The following AK9 variants were observed in gnomAD, a reference collection of about 807,000 sequenced individuals.
AK9 encodes adenylate kinase domain containing 1.
In AK9, 191 loss-of-function variants were observed where a neutral mutation model predicts 239.6. That is an observed-to-expected ratio of 0.80 (90% confidence interval 0.71 to 0.90). The LOEUF is 0.90. AK9 is among the 40% of genes least tolerant of loss of function. The pLI is 0.00. For missense variants in AK9, 1,995 were observed against 2,214.7 expected (o/e 0.90, Z 1.99); for synonymous variants, 689 against 721.0 (o/e 0.96, Z 0.71).
At chr6:109,584,826 T>A (rs1483683081) in intron 19 of AK9, among the ~76,000 whole-genome samples, 1 of 152,158 alleles carries the variant, frequency 6.6e-6, no homozygotes, top group Non-Finnish European at 1.5e-5. Context: ...AAGTCACAGA[T>A]AAATATAACA....
intron 12 of AK9, among the ~76,000 whole-genome samples, chr6:109,621,276 A>G (rs868611436): frequency 3.0e-4 from 23 of 75,542 alleles, no homozygotes; most frequent in African/African-American, 1.1e-3. Flanking sequence ...AAATAGGAAC[A>G]CTTTTACACT....
intron 1 of AK9, among the ~76,000 whole-genome samples, chr6:109,684,199 A>G (rs1406670354): frequency 1.3e-5 from 2 of 152,148 alleles, no homozygotes; most frequent in Non-Finnish European, 2.9e-5. Flanking sequence ...AGTCAAATGG[A>G]GAAAACTGAA....
At chr6:109,521,109 T>C (rs542322716) in intron 29 of AK9, among the ~76,000 whole-genome samples, 1 of 152,222 alleles carries the variant, frequency 6.6e-6, no homozygotes, top group African/African-American at 2.4e-5. Flanking sequence ...GATTGTTCTT[T>C]GCATCTTAAT....
intron 21 of AK9, among the ~76,000 whole-genome samples, chr6:109,571,826 C>T (rs1243750765): frequency 2.0e-5 from 3 of 152,124 alleles, no homozygotes; most frequent in Admixed American, 2.0e-4. Context: ...CTCAGGTATG[C>T]TACTGTGCTT....
At chr6:109,536,750 T>C (rs577813660) in intron 27 of AK9, among the ~76,000 whole-genome samples, 5 of 152,328 alleles carry the variant, frequency 3.3e-5, no homozygotes, top group African/African-American at 2.4e-5. Context: ...TTGTCACAAA[T>C]AGCTCTTATT....
intron 17 of AK9, 116 bp from the exon 18 acceptor site, chr6:109,586,188 G>C (rs988231208): frequency 2.3e-6 from 2 of 875,962 alleles, no homozygotes; most frequent in African/African-American, 3.5e-5. Flanking sequence ...TCTTTCAAAA[G>C]GAAAAAAAAG....
intron 5 of AK9, among the ~76,000 whole-genome samples, chr6:109,667,064 T>C (rs753562570): frequency 3.8e-4 from 58 of 152,200 alleles, no homozygotes; most frequent in Non-Finnish European, 7.3e-4. Context: ...GAGAAGCTGA[T>C]TTTGGCTAAG....
intron 10 of AK9, among the ~76,000 whole-genome samples, chr6:109,640,839 T>C (rs1453438449): frequency 1.3e-5 from 2 of 152,168 alleles, no homozygotes; most frequent in Non-Finnish European, 2.9e-5. Flanking sequence ...CCATCACATA[T>C]GTAGCACATC....
Position 109,660,911 on chromosome 6 carries a change from T to C in AK9, c.445-1498A>G, listed in dbSNP as rs538457041. 1.1e-4 allele frequency: 57 copies of C among 498,234 alleles called. 1 individual carries two copies. The highest frequency in any genetic ancestry group is 3.3e-4 in the Middle Eastern group (1 of 3,028). The allele number at this position is 498,234 out of a possible 1,614,324, so 30.9% of individuals were successfully genotyped here. ...CTCTGATAACTACTGCTCTAGTAGATTGCTAGCCTTTAACCAGGTTTTTGG... is the reference window on the plus strand; with the variant it reads ...CTCTGATAACTACTGCTCTAGTAGACTGCTAGCCTTTAACCAGGTTTTTGG... On this transcript the variant is annotated intron_variant, in intron 6 of 40. Transcript: ENST00000424296.
At position 109,573,501 on chromosome 6, in the gene AK9, C is replaced by T. The variant is rs538453902; in HGVS notation, c.2285G>A (p.Gly762Glu). The change falls in exon 21 of 41, where the codon GGG (glycine) becomes GAG (glutamate). Residue 762 changes from glycine to glutamate, a missense_variant. Physicochemically the swap from Gly to Glu is moderately conservative, Grantham distance 98. Around this residue, in one of 5 missense-constraint regions of AK9, gnomAD observed 1,290 missense variants for 1,392.7 expected, o/e 0.93. Coordinates refer to ENST00000424296, the MANE Select transcript of AK9 (RefSeq NM_001145128.3). ...EEPEASHDTR[G>E]SWLPEEFEAS... ...TTCAAACTCCTCAGGTAACCATGACCCTCGGGTATCGTGAGATGCCTCAGG... is the reference window on the plus strand; with the variant it reads ...TTCAAACTCCTCAGGTAACCATGACTCTCGGGTATCGTGAGATGCCTCAGG... 6 of 1,551,386 alleles carry T rather than the reference C, an allele frequency of 3.9e-6. No individual in the cohort carries two copies. The East Asian group carries it at 1.5e-4, about 38-fold the overall frequency.
At chr6:109,534,129 T>G (rs991352264) in intron 27 of AK9, among the ~76,000 whole-genome samples, 8 of 151,692 alleles carry the variant, frequency 5.3e-5, no homozygotes, top group African/African-American at 1.9e-4. Context: ...CAAATGGGAT[T>G]GTCAAACTTG....
intron 1 of AK9, among the ~76,000 whole-genome samples, chr6:109,679,944 G>C (rs940506407): frequency 6.6e-6 from 1 of 152,112 alleles, no homozygotes; most frequent in African/African-American, 2.4e-5. Flanking sequence ...AACCCCATCC[G>C]AAGGTCACCA....
intron 22 of AK9, among the ~76,000 whole-genome samples, chr6:109,564,496 T>G (rs1562415770): frequency 6.6e-6 from 1 of 152,198 alleles, no homozygotes. Context: ...CTCAAGCTTT[T>G]GGATAATTAA....
intron 7 of AK9, 91 bp downstream of exon 7, chr6:109,659,137 C>A: frequency 7.4e-7 from 1 of 1,354,944 alleles, no homozygotes; most frequent in South Asian, 1.8e-5. Flanking sequence ...TGTATAGCAT[C>A]TACTATTTCC....
At chr6:109,499,307 TTAAAA>T (rs1172147909) in intron 35 of AK9, 67 bp from the exon 36 acceptor site, 7 of 1,245,758 alleles carry the variant, frequency 5.6e-6, no homozygotes, top group African/African-American at 3.1e-5. Flanking sequence ...ATTTTAGAAA[TTAAAA>T]TAATTTTAAT....
chr6:109,620,874 T>C (rs1016839232), intron 12 of AK9, among the ~76,000 whole-genome samples: 1 of 151,394 alleles, frequency 6.6e-6, no homozygotes, highest in Non-Finnish European at 1.5e-5. Flanking sequence ...TACAAACATA[T>C]ACATATATAT....
At chr6:109,528,456 C>T (rs911838375) in intron 29 of AK9, 15 of 420,290 alleles carry the variant, frequency 3.6e-5, no homozygotes, top group African/African-American at 2.7e-4. Flanking sequence ...GAATGAAAAT[C>T]GAGGCAAATA....
Position 109,506,407 on chromosome 6 carries a change from C to A in AK9, c.4769G>T (p.Trp1590Leu), listed in dbSNP as rs376816025. 5.8e-5 allele frequency: 93 copies of A among 1,613,676 alleles called. No individual in the cohort carries two copies. The highest frequency in any genetic ancestry group is 7.4e-5 in the Non-Finnish European group (87 of 1,179,952). ...WYVIDGFHSKWWVWNEVIKNV... is the reference protein window; with the variant it reads ...WYVIDGFHSKLWVWNEVIKNV... ...CTTAATGACTTCATTCCATACCCAC[C>A]ATTTGCTGTGAAATCCATCAATCAC... Residue 1590 changes from tryptophan (W) to leucine (L), a missense_variant, in exon 35 of 41, where the codon TGG (tryptophan) becomes TTG (leucine). Trp to Leu is a moderately conservative substitution (Grantham distance 61). This residue lies in a region of AK9 where 391 missense variants were observed against 456.0 expected (regional missense o/e 0.86). Coordinates refer to ENST00000424296, the MANE Select transcript of AK9 (RefSeq NM_001145128.3).
intron 10 of AK9, among the ~76,000 whole-genome samples, chr6:109,636,161 C>T (rs1319797057): frequency 6.6e-6 from 1 of 152,158 alleles, no homozygotes; most frequent in Non-Finnish European, 1.5e-5. Context: ...CAGTCTGACC[C>T]TGTCCTTCCT....
Sources: allele counts gnomAD v4.1 joint callset (sites outside exome capture counted in the v4.1 genomes callset), GRCh38; gene constraint gnomAD v4.1.1; regional missense constraint gnomAD v4.1.1; transcripts MANE v1.5; gene names NCBI Gene and HGNC (gene_info 2026-07-23, HGNC 2026-07-21).